The following GANAB variants were observed in gnomAD, a reference collection of about 807,000 sequenced individuals.
GANAB encodes neutral alpha-glucosidase AB.
A neutral mutation model predicts 129.9 loss-of-function variants in GANAB; 35 were observed. The observed-to-expected ratio is 0.27, with a 90% CI of 0.21 to 0.36. The LOEUF (loss-of-function observed/expected upper bound fraction) is 0.36, where lower values mean the gene tolerates loss of function less well. Among genes scored for constraint, GANAB ranks in the 10% least tolerant of loss-of-function variants. GANAB has a pLI of 1.00. For missense variants in GANAB, 939 were observed against 1,221.0 expected (o/e 0.77, Z 3.44); for synonymous variants, 482 against 451.8 (o/e 1.07, Z -0.85).
At chr11:62,631,245 C>CAA in intron 9 of GANAB, 62 bp from the exon 10 acceptor site, 4 of 1,441,930 alleles carry the variant, frequency 2.8e-6, no homozygotes, top group Non-Finnish European at 2.8e-6. Context: ...AACCCCAAGA[C>CAA]AAAAAGTAGC....
rs1302951530 is a variant in GANAB at position 62,626,629 on chromosome 11, C to T, written c.2453G>A (p.Arg818Gln). Residue 818 changes from arginine (R) to glutamine (Q), a missense_variant, in exon 21 of 24, where the codon CGG (arginine) becomes CAG (glutamine). Physicochemically the swap from Arg to Gln is conservative, Grantham distance 43. Coordinates refer to ENST00000356638, the MANE Select transcript of GANAB (RefSeq NM_198334.3). ...GTCATCCTTCATACATTCTGAAGAC[C>T]GCCGCACTCGCATCCATCGAGGCAC... Reference protein sequence around the residue: ...TIVPRWMRVRRSSECMKDDPI... With the variant: ...TIVPRWMRVRQSSECMKDDPI... 1.9e-6 allele frequency: 3 copies of T among 1,612,530 alleles called. No individual in the cohort carries two copies. Among genetic ancestry groups the T allele is most frequent in the Non-Finnish European group, 2.5e-6 (3 of 1,179,178 alleles).
intron 1 of GANAB, among the ~76,000 whole-genome samples, chr11:62,642,731 C>T (rs1232628820): frequency 2.6e-5 from 4 of 152,144 alleles, no homozygotes; most frequent in Non-Finnish European, 4.4e-5. Context: ...TCGCGCCCCA[C>T]TGGCTAAAGT....
chr11:62,639,166 C>G, intron 3 of GANAB, 56 bp from the exon 4 acceptor site: 2 of 1,590,722 alleles, frequency 1.3e-6, no homozygotes, highest in Non-Finnish European at 1.7e-6. Context: ...CCATGGAATG[C>G]TCTTTGAACC....
intron 5 of GANAB, chr11:62,634,381 G>A (rs1316477620): frequency 7.5e-6 from 12 of 1,599,832 alleles, no homozygotes; most frequent in South Asian, 2.2e-5. Flanking sequence ...AGAAACTGGG[G>A]CAGGAGGAGA....
chr11:62,638,740 A>T (rs1944077009), intron 4 of GANAB, among the ~76,000 whole-genome samples: 1 of 152,166 alleles, frequency 6.6e-6, no homozygotes, highest in Non-Finnish European at 1.5e-5. Context: ...TATAACCAGC[A>T]TCCAGCCCAG....
chr11:62,630,634 G>C lies in GANAB; in HGVS notation c.1353C>G (p.Thr451=), dbSNP rs1943627680. 17 of 1,613,400 alleles carry C rather than the reference G, an allele frequency of 1.1e-5. No individual in the cohort carries two copies. The highest frequency in any genetic ancestry group is 1.4e-5 in the Non-Finnish European group (17 of 1,179,364). ...WDPSRFPQPR[T]MLERLASKRR... ...TCTTAGAAGCCAAGCGCTCAAGCATGGTGCGGGGCTGAGGGAAGCGACTGG... is the reference window on the plus strand; with the variant it reads ...TCTTAGAAGCCAAGCGCTCAAGCATCGTGCGGGGCTGAGGGAAGCGACTGG... Residue 451 remains threonine (T), a synonymous_variant, in exon 11 of 24, where the codon ACC becomes ACG. Transcript: ENST00000356638.
In GANAB at chr11:62,634,846, C is replaced by G; in HGVS notation, c.535G>C (p.Glu179Gln). The G allele has an allele frequency of 6.2e-7, 1 of 1,614,054 alleles. No homozygotes were observed. Among genetic ancestry groups the G allele is most frequent in the Non-Finnish European group, 8.5e-7 (1 of 1,179,930 alleles). Residue 179 changes from glutamate (E) to glutamine (Q), a missense_variant, in exon 5 of 24, where the codon GAG becomes CAG. This residue lies in a region of GANAB where 321 missense variants were observed against 329.1 expected (regional missense o/e 0.98). Transcript: ENST00000356638. ...GAGACCCTAGGGGCCCTCTGATGCT[C>G]AAACTCCAAGAGTCCTCGGGCATTG... ...SVNARGLLEF[E>Q]HQRAPRVSQG...
intron 5 of GANAB, chr11:62,634,020 G>A (rs542054086): frequency 7.2e-6 from 3 of 415,072 alleles, no homozygotes; most frequent in East Asian, 4.2e-5. Context: ...AGAACCTCAG[G>A]TGCCCCTCAG....
rs749010632 is a variant in GANAB at position 62,629,656 on chromosome 11, T to A, written c.1766A>T (p.Gln589Leu). ...GGGGCGTTCCATGCCCCCAGAGCGC[T>A]GTCTCAGCCCATCAGCAGTCGCCAT... ...VHMATADGLR[Q>L]RSGGMERPFV... The change falls in exon 15 of 24, where the codon CAG (glutamine) becomes CTG (leucine). Residue 589 changes from glutamine (Q) to leucine (L), a missense_variant. By Grantham distance (113) the Gln-to-Leu change is moderately radical (BLOSUM62 -2). This residue lies in a region of GANAB where 147 missense variants were observed against 282.4 expected (regional missense o/e 0.52). Transcript: ENST00000356638. 6.8e-6 allele frequency: 11 copies of A among 1,613,662 alleles called. No homozygotes were observed. In the South Asian group the frequency reaches 1.1e-4, roughly 16 times the overall value.
At chr11:62,637,846 AACG>A (rs1944015463) in intron 4 of GANAB, among the ~76,000 whole-genome samples, 1 of 151,862 alleles carries the variant, frequency 6.6e-6, no homozygotes. Context: ...CATCCTGGCT[AACG>A]CAGATCACGC....
chr11:62,633,916 A>T, intron 5 of GANAB: 1 of 376,096 alleles, frequency 2.7e-6, no homozygotes, highest in Non-Finnish European at 4.9e-6. Flanking sequence ...TTGCAAAGGC[A>T]TGTGGGTCAT....
At position 62,629,260 on chromosome 11, in the gene GANAB, C is replaced by A. The variant is rs749639506; in HGVS notation, c.1870G>T (p.Asp624Tyr). Residue 624 changes from aspartate (D) to tyrosine (Y), a missense_variant, in exon 16 of 24, where the codon GAC becomes TAC. By Grantham distance (160) the Asp-to-Tyr change is radical. This residue lies in a region of GANAB where 147 missense variants were observed against 282.4 expected (regional missense o/e 0.52). Transcript: ENST00000356638. ...ATAGGAATAGAGATCTTCAAATGGT[C>A]CCACTCGGCAGTGTTGTCCCCTGTC... is the stretch of plus-strand genomic sequence containing the variant. ...VWTGDNTAEW[D>Y]HLKISIPMCL... 1 of 1,613,542 alleles carries A rather than the reference C, an allele frequency of 6.2e-7. No individual in the cohort carries two copies. The highest frequency in any genetic ancestry group is 1.1e-5 in the South Asian group (1 of 91,074).
intron 4 of GANAB, among the ~76,000 whole-genome samples, chr11:62,637,006 A>G (rs1467654534): frequency 3.3e-5 from 5 of 152,054 alleles, no homozygotes; most frequent in Admixed American, 2.0e-4. Flanking sequence ...CTAACAACAG[A>G]AGGTAAAAGA....
chr11:62,637,968 C>T lies in GANAB; in HGVS notation c.380+1015G>A, dbSNP rs938868397. Among the ~76,000 whole-genome samples, 4 of 151,684 alleles carry T rather than the reference C, an allele frequency of 2.6e-5. No homozygotes were observed. In the South Asian group the frequency reaches 8.3e-4, roughly 32 times the overall value. Reference sequence around the variant, plus strand: ...ACTAAGACACTTCCTCTGTAAAGCTCAAAAACAAAAAATATATATAATTTA... The same window carrying T: ...ACTAAGACACTTCCTCTGTAAAGCTTAAAAACAAAAAATATATATAATTTA... On this transcript the variant is annotated intron_variant, in intron 4 of 23. Coordinates refer to ENST00000356638, the MANE Select transcript of GANAB (RefSeq NM_198334.3).
intron 4 of GANAB, among the ~76,000 whole-genome samples, chr11:62,635,241 A>G (rs1943893504): frequency 6.6e-6 from 1 of 151,184 alleles, no homozygotes; most frequent in Admixed American, 6.6e-5. Flanking sequence ...CTGGAGTGCA[A>G]TGGCGCAATC....
In GANAB at chr11:62,626,907, T is replaced by A; in HGVS notation, c.2350A>T (p.Lys784Ter). 1 of 1,612,700 alleles carries A rather than the reference T, an allele frequency of 6.2e-7. No individual in the cohort carries two copies. The highest frequency in any genetic ancestry group is 8.5e-7 in the Non-Finnish European group (1 of 1,178,752). ...EVWYDIQSYQ[K>*]HHGPQTLYLP... ...TACAGGGTCTGGGGACCATGATGCT[T>A]CTGGTAGCTTTGAATGTCATACCAC... Residue 784 changes from lysine (K) to a stop codon, truncating the protein, a stop_gained, in exon 20 of 24, where the codon AAG (lysine) becomes TAG (stop). Coordinates refer to ENST00000356638, the MANE Select transcript of GANAB (RefSeq NM_198334.3). LOFTEE classifies it high-confidence loss of function.
At chr11:62,637,346 G>A (rs1040076627) in intron 4 of GANAB, among the ~76,000 whole-genome samples, 1 of 152,228 alleles carries the variant, frequency 6.6e-6, no homozygotes, top group Non-Finnish European at 1.5e-5. Context: ...CACTTTGGGA[G>A]GCTGAGATGG....
At position 62,625,321 on chromosome 11, in the gene GANAB, T is replaced by C. The variant is rs1222264656; in HGVS notation, c.*494A>G. 2.2e-6 allele frequency: 1 copy of C among 454,386 alleles called. No homozygotes were observed. The highest frequency in any genetic ancestry group is 1.6e-5 in the South Asian group (1 of 64,320). 28.1% of individuals were successfully genotyped at this position (454,386 alleles called of 1,614,324 possible). On this transcript the variant is annotated 3_prime_UTR_variant, in exon 24 of 24. Transcript: ENST00000356638. ...GTAAGGGGTGGTCCCAGTGTATCGG[T>C]GGGGCATAAAAAGGGGAGTAAAGCC...
chr11:62,625,994 G>T, intron 23 of GANAB, 70 bp from the exon 24 acceptor site: 1 of 1,461,048 alleles, frequency 6.8e-7, no homozygotes, highest in Non-Finnish European at 9.6e-7. Flanking sequence ...GTTCCTACAG[G>T]CAAGGGCATC....
Sources: gnomAD v4.1 joint callset for allele counts (sites outside exome capture counted in the v4.1 genomes callset) on GRCh38, gnomAD v4.1.1 for gene constraint, gnomAD v4.1.1 regional missense constraint, MANE v1.5 for transcripts, NCBI Gene and HGNC (gene_info 2026-07-23, HGNC 2026-07-21) for gene names.